CSMD1: variants seen among roughly 807,000 people sequenced by gnomAD.
The protein encoded by CSMD1 is CUB and sushi domain-containing protein 1.
Under a neutral mutation model 417.5 loss-of-function variants are expected in CSMD1, and 213 were observed. The observed-to-expected ratio is 0.51, with a 90% CI of 0.46 to 0.57. The LOEUF (loss-of-function observed/expected upper bound fraction) is 0.57, where lower values mean the gene tolerates loss of function less well. Ranked by LOEUF, CSMD1 falls within the 20% of genes least tolerant of loss-of-function variation. The probability of loss-of-function intolerance (pLI) is 0.00; values close to 1 mark genes in which losing one functional copy is unlikely to be tolerated. For synonymous variants in CSMD1, 2,862 were observed against 1,736.8 expected (o/e 1.65, Z -16.11); for missense variants, 6,923 against 4,529.7 (o/e 1.53, Z -15.17).
intron 2 of CSMD1, among the ~76,000 whole-genome samples, chr8:4,598,304 T>A (rs1247163257): frequency 6.6e-6 from 1 of 152,200 alleles, no homozygotes; most frequent in Non-Finnish European, 1.5e-5. Flanking sequence ...GAATTACGAA[T>A]ACTATGCTGA....
chr8:3,992,105 A>T (rs947466811), intron 5 of CSMD1, among the ~76,000 whole-genome samples: 3 of 149,598 alleles, frequency 2.0e-5, no homozygotes, highest in Non-Finnish European at 3.0e-5. Context: ...TATCAAGAAA[A>T]GGAGAAATGT....
intron 4 of CSMD1, among the ~76,000 whole-genome samples, chr8:4,017,114 C>A (rs543954269): frequency 7.5e-4 from 115 of 152,324 alleles, no homozygotes; most frequent in Non-Finnish European, 1.4e-3. Context: ...GCCAGCCTTG[C>A]TGGACGCTCT....
At chr8:3,661,670 T>C (rs1342804357) in intron 7 of CSMD1, among the ~76,000 whole-genome samples, 2 of 152,092 alleles carry the variant, frequency 1.3e-5, no homozygotes, top group Non-Finnish European at 2.9e-5. Context: ...CTAATTTTTG[T>C]ATTTTTAGTA....
At chr8:4,349,193 G>T (rs561291855) in intron 3 of CSMD1, among the ~76,000 whole-genome samples, 3 of 152,310 alleles carry the variant, frequency 2.0e-5, no homozygotes, top group African/African-American at 7.2e-5. Flanking sequence ...ACTAAGTGAA[G>T]ATTTTAATCA....
chr8:4,751,505 G>T (rs538156322), intron 1 of CSMD1, among the ~76,000 whole-genome samples: 1 of 152,230 alleles, frequency 6.6e-6, no homozygotes, highest in African/African-American at 2.4e-5. Flanking sequence ...GGAATCATGA[G>T]CTAGATAACT....
chr8:4,739,197 A>C (rs1810443187), intron 1 of CSMD1, among the ~76,000 whole-genome samples: 1 of 152,208 alleles, frequency 6.6e-6, no homozygotes, highest in Non-Finnish European at 1.5e-5. Context: ...TTTGTTCAAT[A>C]ATTCTATCTA....
intron 4 of CSMD1, among the ~76,000 whole-genome samples, chr8:4,005,570 G>T (rs745759735): frequency 6.6e-6 from 1 of 152,160 alleles, no homozygotes; most frequent in African/African-American, 2.4e-5. Flanking sequence ...CTTTTATTGT[G>T]TAAGGACGTT....
intron 3 of CSMD1, among the ~76,000 whole-genome samples, chr8:4,399,228 C>G (rs946637231): frequency 6.6e-6 from 1 of 152,052 alleles, no homozygotes; most frequent in South Asian, 2.1e-4. Flanking sequence ...TATGACAAAC[C>G]GTATTTCCCC....
chr8:4,197,185 A>G (rs981143325), intron 3 of CSMD1, among the ~76,000 whole-genome samples: 8 of 152,198 alleles, frequency 5.3e-5, no homozygotes, highest in Admixed American at 3.9e-4. Context: ...AATGTGTATA[A>G]AAGTCCTAGC....
chr8:4,079,687 T>G (rs758062748), intron 3 of CSMD1, among the ~76,000 whole-genome samples: 1 of 152,258 alleles, frequency 6.6e-6, no homozygotes, highest in South Asian at 2.1e-4. Flanking sequence ...AATTTATTCC[T>G]GTAGTAAACT....
intron 57 of CSMD1, 127 bp downstream of exon 57, chr8:2,972,990 G>A (rs538679632): frequency 5.5e-5 from 49 of 896,120 alleles, no homozygotes; most frequent in Middle Eastern, 7.0e-4. Flanking sequence ...CAAATATTGC[G>A]GGGAAAAGAT....
At chr8:3,823,876 T>A (rs1440428947) in intron 5 of CSMD1, among the ~76,000 whole-genome samples, 2 of 152,178 alleles carry the variant, frequency 1.3e-5, no homozygotes, top group African/African-American at 2.4e-5. Context: ...ACTTTTCTGA[T>A]CCTCAGTTTC....
intron 3 of CSMD1, among the ~76,000 whole-genome samples, chr8:4,415,045 T>C (rs932342823): frequency 2.6e-5 from 4 of 152,214 alleles, no homozygotes; most frequent in African/African-American, 9.6e-5. Flanking sequence ...CTTCGTTTCA[T>C]AGTCCAGTGA....
chr8:3,927,933 G>C lies in CSMD1; in HGVS notation c.818+69970C>G, dbSNP rs539071396. On this transcript the variant is annotated intron_variant, in intron 5 of 69. Transcript: ENST00000635120. Reference sequence around the variant, plus strand: ...CATTTTACATCAAATTCTTTGTTTTGTTAGATTATCTGTTAATTTCTTAAG... The same window carrying C: ...CATTTTACATCAAATTCTTTGTTTTCTTAGATTATCTGTTAATTTCTTAAG... 3.6e-3 allele frequency among the ~76,000 whole-genome samples: 551 copies of C among 152,070 alleles called. 3 individuals carry two copies. The highest frequency in any genetic ancestry group is 6.5e-3 in the South Asian group (31 of 4,792).
chr8:3,940,639 AC>A (rs1259790531), intron 5 of CSMD1, among the ~76,000 whole-genome samples: 1 of 151,436 alleles, frequency 6.6e-6, no homozygotes, highest in Non-Finnish European at 1.5e-5. Context: ...TGTAACCTTA[AC>A]TTTCTTGTTT....
chr8:3,836,958 AG>A (rs1482201758), intron 5 of CSMD1, among the ~76,000 whole-genome samples: 2 of 152,054 alleles, frequency 1.3e-5, no homozygotes, highest in Non-Finnish European at 2.9e-5. Flanking sequence ...AAAAATAAAA[AG>A]TTTTATAAAA....
chr8:4,650,410 C>G (rs1473530109), intron 1 of CSMD1, among the ~76,000 whole-genome samples: 2 of 149,346 alleles, frequency 1.3e-5, no homozygotes, highest in African/African-American at 2.5e-5. Flanking sequence ...GGATTTGCCA[C>G]TGTAATTGAT....
intron 49 of CSMD1, among the ~76,000 whole-genome samples, chr8:3,059,564 G>A (rs887251779): frequency 2.6e-5 from 4 of 152,112 alleles, no homozygotes; most frequent in African/African-American, 4.8e-5. Flanking sequence ...CTTATAGGAG[G>A]CACGTCAGGA....
intron 1 of CSMD1, among the ~76,000 whole-genome samples, chr8:4,675,530 G>A (rs1805624791): frequency 6.6e-6 from 1 of 152,134 alleles, no homozygotes. Flanking sequence ...GGAGGGACAA[G>A]TTCTGAGAAT....
Sources: allele counts gnomAD v4.1 joint callset (sites outside exome capture counted in the v4.1 genomes callset), GRCh38; gene constraint gnomAD v4.1.1; transcripts MANE v1.5; gene names NCBI Gene and HGNC (gene_info 2026-07-23, HGNC 2026-07-21).